NUP35: variants seen among roughly 807,000 people sequenced by gnomAD.
NUP35 encodes the protein nucleoporin 35.
In NUP35, 25 loss-of-function variants were observed where a neutral mutation model predicts 41.5. That is an observed-to-expected ratio of 0.60 (90% CI 0.44 to 0.84). NUP35 has a LOEUF of 0.84. Among genes scored for constraint, NUP35 ranks in the 40% least tolerant of loss-of-function variants. NUP35 has a pLI of 0.00. For synonymous variants in NUP35, 149 were observed against 130.7 expected, an observed-to-expected ratio of 1.14 and a Z score of -0.96; for missense variants, 396 against 396.6, an observed-to-expected ratio of 1.00 and a Z score of 0.01.
chr2:183,130,451 A>G lies in NUP35; in HGVS notation c.245A>G (p.His82Arg). 2 of 1,604,668 alleles carry G rather than the reference A, an allele frequency of 1.2e-6. No individual in the cohort carries two copies. The highest frequency in any genetic ancestry group is 4.5e-5 in the East Asian group (2 of 44,646). ...CCACCACAACCAGTTGTACCAGCTC[A>G]TAAAGATAAAAGTGGCGCTCCACCA... ...GSPPQPVVPA[H>R]KDKSGAPPVR... The change falls in exon 3 of 9, where the codon CAT becomes CGT. Residue 82 changes from histidine (H) to arginine (R), a missense_variant. Physicochemically the swap from His to Arg is conservative, Grantham distance 29. Coordinates refer to ENST00000295119, the MANE Select transcript of NUP35 (RefSeq NM_138285.5).
intron 4 of NUP35, among the ~76,000 whole-genome samples, chr2:183,144,467 A>ATTTG (rs1204721109): frequency 6.6e-6 from 1 of 152,118 alleles, no homozygotes; most frequent in East Asian, 1.9e-4. Context: ...TCCAAGTTTC[A>ATTTG]TTTGGCTCGT....
intron 4 of NUP35, among the ~76,000 whole-genome samples, chr2:183,139,697 G>A (rs190000805): frequency 6.6e-6 from 1 of 152,130 alleles, no homozygotes; most frequent in Non-Finnish European, 1.5e-5. Flanking sequence ...TGTTCAGAAG[G>A]GGGCAGAGAT....
At position 183,128,379 on chromosome 2, in the gene NUP35, G is replaced by A. The variant is rs889347288; in HGVS notation, c.133G>A (p.Ala45Thr). The A allele has an allele frequency of 1.1e-5, 18 of 1,613,906 alleles. No individual in the cohort carries two copies. Among genetic ancestry groups the A allele is most frequent in the Middle Eastern group, 3.3e-4 (2 of 6,084 alleles). Residue 45 changes from alanine (A) to threonine (T), a missense_variant, in exon 2 of 9, where the codon GCT becomes ACT. By Grantham distance (58) the Ala-to-Thr change is moderately conservative. Coordinates refer to ENST00000295119, the MANE Select transcript of NUP35 (RefSeq NM_138285.5). Reference sequence around the variant, plus strand: ...TGGATTTTTAATGGGGGATTTGCCAGCTCCGGTGACTCCACAACCTCGATC... The same window carrying A: ...TGGATTTTTAATGGGGGATTTGCCAACTCCGGTGACTCCACAACCTCGATC... ...LPGFLMGDLP[A>T]PVTPQPRSIS...
chr2:183,140,091 A>T (rs1016488706), intron 4 of NUP35, among the ~76,000 whole-genome samples: 3 of 152,240 alleles, frequency 2.0e-5, no homozygotes, highest in East Asian at 3.8e-4. Context: ...CTGCTGAACC[A>T]TATTATCACA....
intron 2 of NUP35, 142 bp downstream of exon 2, chr2:183,128,599 TA>T (rs34331888): frequency 0.36 from 130,805 of 364,952 alleles, 8,735 homozygotes; most frequent in African/African-American, 0.44. Flanking sequence ...GCTGATGAGC[TA>T]AAAAAAAAAA....
chr2:183,147,283 A>C (rs763553243), intron 4 of NUP35, among the ~76,000 whole-genome samples: 4 of 152,186 alleles, frequency 2.6e-5, no homozygotes, highest in Non-Finnish European at 5.9e-5. Context: ...GCCTAGGCCA[A>C]TGTCCAGAAG....
intron 6 of NUP35, among the ~76,000 whole-genome samples, chr2:183,158,082 T>C (rs1685735334): frequency 6.6e-6 from 1 of 152,120 alleles, no homozygotes; most frequent in Non-Finnish European, 1.5e-5. Context: ...TCAGAGAATA[T>C]GTACATGTTG....
Position 183,132,508 on chromosome 2 carries a change from T to C in NUP35, c.340-1058T>C, listed in dbSNP as rs182716031. ...GGGAAGCTCAGGCTACAGTGGGCTG[T>C]GATCGTGTTACTGCACTCAGCCTGG... is the stretch of plus-strand genomic sequence containing the variant. On this transcript the variant is annotated intron_variant, in intron 3 of 8. Coordinates refer to ENST00000295119, the MANE Select transcript of NUP35 (RefSeq NM_138285.5). 4.3e-3 allele frequency among the ~76,000 whole-genome samples: 648 copies of C among 152,190 alleles called. 6 individuals carry two copies. The highest frequency in any genetic ancestry group is 6.6e-3 in the Non-Finnish European group (448 of 68,014).
At chr2:183,157,599 G>GT (rs1450608211) in intron 6 of NUP35, 86 bp downstream of exon 6, 91 of 958,920 alleles carry the variant, frequency 9.5e-5, no homozygotes, top group Middle Eastern at 2.4e-4. Context: ...AATTTTGTGG[G>GT]TTTTTTTTAA....
chr2:183,160,116 A>G (rs960578133), intron 8 of NUP35: 3 of 158,226 alleles, frequency 1.9e-5, no homozygotes, highest in Admixed American at 6.5e-5. Context: ...GAAGTTAATT[A>G]TGTTCTTTGA....
intron 4 of NUP35, among the ~76,000 whole-genome samples, chr2:183,147,517 G>A (rs1276862613): frequency 6.6e-6 from 1 of 152,006 alleles, no homozygotes; most frequent in East Asian, 1.9e-4. Context: ...TTGTTTCTGG[G>A]TTCTCCATTC....
intron 4 of NUP35, among the ~76,000 whole-genome samples, chr2:183,146,776 T>C (rs1485719155): frequency 1.3e-5 from 2 of 152,092 alleles, no homozygotes; most frequent in African/African-American, 2.4e-5. Context: ...TTTGTATTTT[T>C]AGTAGAGATG....
intron 4 of NUP35, among the ~76,000 whole-genome samples, chr2:183,149,682 C>T (rs1685396879): frequency 6.6e-6 from 1 of 152,194 alleles, no homozygotes; most frequent in Non-Finnish European, 1.5e-5. Context: ...ACTTGTAGTA[C>T]TGCCACAGGA....
At chr2:183,152,783 A>T (rs1034072908) in intron 5 of NUP35, among the ~76,000 whole-genome samples, 1 of 152,208 alleles carries the variant, frequency 6.6e-6, no homozygotes, top group Non-Finnish European at 1.5e-5. Context: ...AGCCGTTCAC[A>T]TCTAGTTATT....
chr2:183,129,273 G>A (rs1157262572), intron 2 of NUP35, among the ~76,000 whole-genome samples: 1 of 152,154 alleles, frequency 6.6e-6, no homozygotes, highest in Non-Finnish European at 1.5e-5. Flanking sequence ...TATTGTAAAT[G>A]CAGCCTGTGT....
chr2:183,159,574 A>C lies in NUP35; in HGVS notation c.825A>C (p.Thr275=), dbSNP rs774449802. 2.5e-6 allele frequency: 4 copies of C among 1,613,556 alleles called. No individual in the cohort carries two copies. The highest frequency in any genetic ancestry group is 3.4e-6 in the Non-Finnish European group (4 of 1,179,650). Residue 275 remains threonine, a synonymous_variant, in exon 8 of 9, where the codon ACA becomes ACC. Coordinates refer to ENST00000295119, the MANE Select transcript of NUP35 (RefSeq NM_138285.5). ...CAATCAAAACTCTAGGTACACCAAC[A>C]CAACCTGGAAGTACTCCTAGGATTT... ...TPPIKTLGTP[T]QPGSTPRIST...
intron 4 of NUP35, among the ~76,000 whole-genome samples, chr2:183,142,551 G>A (rs867933072): frequency 2.0e-5 from 3 of 151,340 alleles, no homozygotes; most frequent in Admixed American, 6.6e-5. Flanking sequence ...GCACAATCTC[G>A]GCTCACTGCA....
intron 4 of NUP35, among the ~76,000 whole-genome samples, chr2:183,146,245 A>G (rs1415126994): frequency 6.6e-6 from 1 of 152,136 alleles, no homozygotes; most frequent in African/African-American, 2.4e-5. Flanking sequence ...CAAAAAAAAA[A>G]GTATTTCAAA....
intron 7 of NUP35, among the ~76,000 whole-genome samples, chr2:183,158,642 G>T (rs1685761025): frequency 6.6e-6 from 1 of 152,100 alleles, no homozygotes; most frequent in Non-Finnish European, 1.5e-5. Flanking sequence ...TAAAGAAACT[G>T]AGAGGGCTTA....
Sources: allele counts gnomAD v4.1 joint callset (sites outside exome capture counted in the v4.1 genomes callset), GRCh38; gene constraint gnomAD v4.1.1; transcripts MANE v1.5; gene names NCBI Gene and HGNC (gene_info 2026-07-23, HGNC 2026-07-21).